The following CPAP variants were observed in gnomAD, a reference collection of about 807,000 sequenced individuals.
CPAP encodes the protein centrosome assembly and centriole elongation protein, also known as centrosomal P4.1-associated protein.
chr13:24,906,061 A>G, the CPAP span: 12 of 1,613,794 alleles, frequency 7.4e-6, no homozygotes, highest in Non-Finnish European at 7.6e-6. Flanking sequence ...AGGACAATGA[A>G]TGAAGTTGTT....
At chr13:24,895,063 C>A in the CPAP span, among the ~76,000 whole-genome samples, 1 of 152,360 alleles carries the variant, frequency 6.6e-6, no homozygotes, top group South Asian at 2.1e-4. Context: ...AAGGCTCAGG[C>A]AGAGGCGGCT....
the CPAP span, among the ~76,000 whole-genome samples, chr13:24,900,195 C>G: frequency 6.6e-6 from 1 of 152,120 alleles, no homozygotes; most frequent in African/African-American, 2.4e-5. Context: ...ACAAGGGTGT[C>G]CACACACAGC....
the CPAP span, among the ~76,000 whole-genome samples, chr13:24,910,979 A>G: frequency 3.3e-5 from 5 of 152,208 alleles, no homozygotes; most frequent in Admixed American, 2.0e-4. Context: ...TTTTCCTTGT[A>G]TTCTCAATGC....
At chr13:24,884,544 T>C in the CPAP span, 2 of 1,358,520 alleles carry the variant, frequency 1.5e-6, no homozygotes, top group Non-Finnish European at 2.1e-6. Flanking sequence ...CTGCCTACTT[T>C]GAAATTTTTT....
chr13:24,928,677 A>G, the CPAP span, among the ~76,000 whole-genome samples: 1 of 152,100 alleles, frequency 6.6e-6, no homozygotes, highest in Non-Finnish European at 1.5e-5. Flanking sequence ...TGATCTGCCC[A>G]CCTCGGCCTC....
chr13:24,912,176 A>C, the CPAP span: 4 of 1,136,356 alleles, frequency 3.5e-6, no homozygotes, highest in Non-Finnish European at 5.2e-6. Context: ...TCCTGGTAAG[A>C]AGTTTTAGAC....
At chr13:24,925,397 C>A in the CPAP span, among the ~76,000 whole-genome samples, 1 of 152,210 alleles carries the variant, frequency 6.6e-6, no homozygotes, top group African/African-American at 2.4e-5. Flanking sequence ...TGCAGTGGCT[C>A]ACACCTGTAA....
the CPAP span, chr13:24,925,845 T>TA: frequency 6.5e-6 from 1 of 152,688 alleles, no homozygotes; most frequent in Non-Finnish European, 1.5e-5. Context: ...CTTGTTTACT[T>TA]ACATTGACCA....
At chr13:24,921,848 C>G in the CPAP span, among the ~76,000 whole-genome samples, 2 of 152,120 alleles carry the variant, frequency 1.3e-5, no homozygotes, top group Non-Finnish European at 2.9e-5. Context: ...AACACACCTT[C>G]TATACCTTCA....
At chr13:24,884,657 G>C in the CPAP span, among the ~76,000 whole-genome samples, 1 of 152,036 alleles carries the variant, frequency 6.6e-6, no homozygotes, top group Non-Finnish European at 1.5e-5. Context: ...GTATTAGCTG[G>C]AATTTACCTA....
chr13:24,911,286 T>C, the CPAP span, among the ~76,000 whole-genome samples: 1 of 152,168 alleles, frequency 6.6e-6, no homozygotes, highest in East Asian at 1.9e-4. Flanking sequence ...GTCAAGAAAC[T>C]TTCAAACCAC....
At chr13:24,899,961 C>CAA in the CPAP span, among the ~76,000 whole-genome samples, 37 of 144,606 alleles carry the variant, frequency 2.6e-4, no homozygotes, top group East Asian at 2.8e-3. Flanking sequence ...GACTCTGTCT[C>CAA]AAAAAAAAAA....
chr13:24,883,637 A>G, the CPAP span, among the ~76,000 whole-genome samples: 1 of 152,158 alleles, frequency 6.6e-6, no homozygotes, highest in Non-Finnish European at 1.5e-5. Flanking sequence ...TTTGGTTGTT[A>G]TATTAAAAGG....
chr13:24,904,026 T>C, the CPAP span: 1 of 1,613,986 alleles, frequency 6.2e-7, no homozygotes, highest in Non-Finnish European at 8.5e-7. Flanking sequence ...TCAATAATTT[T>C]CTCTCTCAAA....
the CPAP span, among the ~76,000 whole-genome samples, chr13:24,908,478 G>T: frequency 6.7e-6 from 1 of 149,482 alleles, no homozygotes; most frequent in Non-Finnish European, 1.5e-5. Context: ...GCCAGGCGTG[G>T]TGGCACATGC....
the CPAP span, chr13:24,907,315 C>T: frequency 5.2e-6 from 4 of 767,366 alleles, no homozygotes; most frequent in South Asian, 4.6e-5. Flanking sequence ...AAATCAGTGC[C>T]TCCCTTTGAG....
chr13:24,901,471 G>A, the CPAP span, among the ~76,000 whole-genome samples: 1 of 152,070 alleles, frequency 6.6e-6, no homozygotes, highest in South Asian at 2.1e-4. Context: ...TGCTGACTGG[G>A]GCAATGGACA....
At chr13:24,925,528 T>G in the CPAP span, among the ~76,000 whole-genome samples, 1 of 152,142 alleles carries the variant, frequency 6.6e-6, no homozygotes, top group Non-Finnish European at 1.5e-5. Flanking sequence ...GAGGATCACT[T>G]CAGCCCAGGA....
At chr13:24,886,228 A>G in the CPAP span, 3 of 986,158 alleles carry the variant, frequency 3.0e-6, no homozygotes, top group African/African-American at 5.0e-5. Context: ...TATTGTAAAC[A>G]CTCAACTTGG....
Sources: gnomAD v4.1 joint callset for allele counts (sites outside exome capture counted in the v4.1 genomes callset) on GRCh38, gnomAD v4.1.1 for gene constraint, MANE v1.5 for transcripts, NCBI Gene and HGNC (gene_info 2026-07-23, HGNC 2026-07-21) for gene names.